IGDCC4: variants seen among roughly 807,000 people sequenced by gnomAD.
IGDCC4 encodes the protein immunoglobulin superfamily DCC subclass member 4, also known as likely ortholog of mouse neighbor of Punc E11.
Under a neutral mutation model 116.6 loss-of-function variants are expected in IGDCC4, and 72 were observed. The observed-to-expected ratio is 0.62, with a 90% CI of 0.51 to 0.75. IGDCC4 has a LOEUF of 0.75. Among genes scored for constraint, IGDCC4 ranks in the 30% least tolerant of loss-of-function variants. IGDCC4 has a pLI of 0.00. For synonymous variants in IGDCC4, 709 were observed against 719.9 expected (o/e 0.98, Z 0.24); for missense variants, 1,501 against 1,662.4 (o/e 0.90, Z 1.69).
Position 65,383,849 on chromosome 15 carries a change from A to G in IGDCC4, c.*160T>C, listed in dbSNP as rs2091425521. 3 of 585,104 alleles carry G rather than the reference A, an allele frequency of 5.1e-6. No homozygotes were observed. Among genetic ancestry groups the G allele is most frequent in the Admixed American group, 3.3e-5 (1 of 30,464 alleles). The allele number at this position is 585,104 out of a possible 1,614,324, so 36.2% of individuals were successfully genotyped here. A position where few individuals can be genotyped will look rare whatever the true frequency, so the allele number is the denominator to read the frequency against. The stretch of plus-strand genomic sequence containing the variant: ...ATCACAAAGAGTATGGGGGGAGTGA[A>G]TAATCCATGTTTTCCTCTCCCCTCA... On this transcript the variant is annotated 3_prime_UTR_variant, in exon 20 of 20. Coordinates refer to ENST00000352385, the MANE Select transcript of IGDCC4 (RefSeq NM_020962.3).
At chr15:65,390,111 A>C in intron 13 of IGDCC4, 44 bp downstream of exon 13, 1 of 1,486,042 alleles carries the variant, frequency 6.7e-7, no homozygotes, top group Non-Finnish European at 9.1e-7. Flanking sequence ...CCCCCCACCT[A>C]TTCTTCCTCC....
intron 1 of IGDCC4, among the ~76,000 whole-genome samples, chr15:65,416,028 A>C (rs1049995627): frequency 6.6e-6 from 1 of 151,294 alleles, no homozygotes; most frequent in Non-Finnish European, 1.5e-5. Context: ...AGTTTCCCCA[A>C]TTTTAAAATG....
intron 8 of IGDCC4, among the ~76,000 whole-genome samples, chr15:65,394,834 C>T (rs1376362334): frequency 6.6e-6 from 1 of 152,166 alleles, no homozygotes; most frequent in Non-Finnish European, 1.5e-5. Flanking sequence ...TCAGGGAGAA[C>T]TGCATGACAC....
chr15:65,384,338 A>C lies in IGDCC4; in HGVS notation c.3424T>G (p.Ser1142Ala). ...AGATGGAGGTCAGGGTTCCCGTTAG[A>C]TGCACTAAAGTCAGAGTGGACAATG... ...EVIVHSDFSA[S>A]NGNPDLHLQD... Residue 1142 changes from serine (S) to alanine (A), a missense_variant, in exon 20 of 20, where the codon TCT (serine) becomes GCT (alanine). Ser to Ala is a moderately conservative substitution (Grantham distance 99, BLOSUM62 1). This residue lies in a region of IGDCC4 where 368 missense variants were observed against 355.6 expected (regional missense o/e 1.03). Coordinates refer to ENST00000352385, the MANE Select transcript of IGDCC4 (RefSeq NM_020962.3). The surrounding 1 kb of genome is among the most constrained non-coding windows in gnomAD (Gnocchi z 4.9). 1 of 1,595,780 alleles carries C rather than the reference A, an allele frequency of 6.3e-7. No individual in the cohort carries two copies. The highest frequency in any genetic ancestry group is 8.5e-7 in the Non-Finnish European group (1 of 1,171,960).
chr15:65,391,991 G>A lies in IGDCC4; in HGVS notation c.2123-10C>T. The A allele has an allele frequency of 6.2e-7, 1 of 1,603,188 alleles. No individual in the cohort carries two copies. The highest frequency in any genetic ancestry group is 8.5e-7 in the Non-Finnish European group (1 of 1,174,392). ...TACAGCCGGCCAGGGACTGGGGAAGGTTACAGGGCTTAATGGCTAGGGGGA... is the reference window on the plus strand; with the variant it reads ...TACAGCCGGCCAGGGACTGGGGAAGATTACAGGGCTTAATGGCTAGGGGGA... On this transcript the variant is annotated splice_polypyrimidine_tract_variant and intron_variant, in intron 11 of 19. Transcript: ENST00000352385.
intron 11 of IGDCC4, 73 bp from the exon 12 acceptor site, chr15:65,392,054 A>T (rs1323701601): frequency 1.9e-6 from 3 of 1,539,184 alleles, no homozygotes; most frequent in Non-Finnish European, 2.7e-6. Flanking sequence ...AGAGCATCCC[A>T]TCTCTAACTT....
intron 12 of IGDCC4, among the ~76,000 whole-genome samples, chr15:65,391,292 T>C (rs535790414): frequency 2.0e-5 from 3 of 152,198 alleles, no homozygotes; most frequent in South Asian, 4.2e-4. Flanking sequence ...TGCTAAACCA[T>C]GTGGCTGGGA....
chr15:65,397,695 A>G (rs1306436410), intron 5 of IGDCC4, among the ~76,000 whole-genome samples: 1 of 151,982 alleles, frequency 6.6e-6, no homozygotes, highest in African/African-American at 2.4e-5. Context: ...ATATTAAAAC[A>G]CAGATGTTAA....
chr15:65,402,524 AG>A lies in IGDCC4; in HGVS notation c.564-38del, dbSNP rs552327662. The A allele has an allele frequency of 2.2e-4, 341 of 1,555,482 alleles. 8 individuals are homozygous for A. The South Asian group carries it at 3.1e-3, about 14-fold the overall frequency. On this transcript the variant is annotated intron_variant, in intron 3 of 19. Coordinates refer to ENST00000352385, the MANE Select transcript of IGDCC4 (RefSeq NM_020962.3). ...GGGAGCAGGCAACTGTGAGGTGGGC[AG>A]GGGGGCCACAGGGAGGGTGGCTCAT...
intron 1 of IGDCC4, among the ~76,000 whole-genome samples, chr15:65,416,859 A>G (rs1254826506): frequency 6.6e-6 from 1 of 152,194 alleles, no homozygotes; most frequent in Non-Finnish European, 1.5e-5. Flanking sequence ...GATAAACTGG[A>G]TTTTATGAGG....
chr15:65,393,410 G>A lies in IGDCC4; in HGVS notation c.1836C>T (p.Pro612=), dbSNP rs199760278. The change falls in exon 10 of 20, where the codon CCC becomes CCT. Residue 612 remains proline (P), a synonymous_variant. Transcript: ENST00000352385. This position sits in a 1 kb window ranked among gnomAD's most constrained non-coding sequence, Gnocchi z 4.6. ...SAGTAAGFGA[P]SQWMHHRTPS... Reference sequence around the variant, plus strand: ...GCGTCCTGTGATGCATCCACTGGGAGGGGGCCCCGAAGCCGGCTGCTGTAC... The same window carrying A: ...GCGTCCTGTGATGCATCCACTGGGAAGGGGCCCCGAAGCCGGCTGCTGTAC... 4.2e-5 allele frequency: 67 copies of A among 1,613,274 alleles called. No homozygotes were observed. The highest frequency in any genetic ancestry group is 3.0e-4 in the South Asian group (27 of 90,874).
chr15:65,384,229 G>C lies in IGDCC4; in HGVS notation c.3533C>G (p.Ala1178Gly). 6.2e-7 allele frequency: 1 copy of C among 1,600,178 alleles called. No homozygotes were observed. Among genetic ancestry groups the C allele is most frequent in the Non-Finnish European group, 8.5e-7 (1 of 1,170,148 alleles). Reference sequence around the variant, plus strand: ...CCCTCCCAACTCCCTGTCCAGCCAGGCTGCCCCCTGCCCTGGATCCCCAAC... The same window carrying C: ...CCCTCCCAACTCCCTGTCCAGCCAGCCTGCCCCCTGCCCTGGATCCCCAAC... The part of the protein sequence containing the change: ...SGVGDPGQGA[A>G]WLDRELGGCE... Residue 1178 changes from alanine to glycine, a missense_variant, in exon 20 of 20, where the codon GCC (alanine) becomes GGC (glycine). Ala to Gly is a moderately conservative substitution (Grantham distance 60). Around this residue, in one of 3 missense-constraint regions of IGDCC4, gnomAD observed 368 missense variants for 355.6 expected, o/e 1.03. Coordinates refer to ENST00000352385, the MANE Select transcript of IGDCC4 (RefSeq NM_020962.3). This position sits in a 1 kb window ranked among gnomAD's most constrained non-coding sequence, Gnocchi z 4.9.
intron 14 of IGDCC4, 130 bp from the exon 15 acceptor site, chr15:65,389,108 G>A (rs567484942): frequency 9.9e-6 from 11 of 1,107,686 alleles, no homozygotes; most frequent in Admixed American, 8.5e-5. Flanking sequence ...TCTAGTTGGG[G>A]AATTCTAGAA....
In IGDCC4 at chr15:65,410,223, A is replaced by T. The variant is rs1333099505; in HGVS notation, c.518T>A (p.Ile173Asn). The T allele has an allele frequency of 6.2e-7, 1 of 1,613,844 alleles. No individual in the cohort carries two copies. The highest frequency in any genetic ancestry group is 2.2e-5 in the East Asian group (1 of 44,878). The part of the protein sequence containing the change: ...ECHIEGLPAP[I>N]ITWEKDQVTL... ...CACCTGGTCCTTCTCCCAAGTAATG[A>T]TGGGAGCTGGCAGCCCTTCAATGTG... is the stretch of plus-strand genomic sequence containing the variant. Residue 173 changes from isoleucine (I) to asparagine (N), a missense_variant, in exon 3 of 20, where the codon ATC (isoleucine) becomes AAC (asparagine). Around this residue, in one of 3 missense-constraint regions of IGDCC4, gnomAD observed 898 missense variants for 978.9 expected, o/e 0.92. Coordinates refer to ENST00000352385, the MANE Select transcript of IGDCC4 (RefSeq NM_020962.3).
chr15:65,419,837 A>AG (rs1398772768), intron 1 of IGDCC4, among the ~76,000 whole-genome samples: 1 of 152,212 alleles, frequency 6.6e-6, no homozygotes, highest in Non-Finnish European at 1.5e-5. Flanking sequence ...CTGTTCACAA[A>AG]GGGGTCCCAG....
chr15:65,396,198 C>A, intron 6 of IGDCC4, 35 bp from the exon 7 acceptor site: 1 of 1,497,028 alleles, frequency 6.7e-7, no homozygotes, highest in Non-Finnish European at 8.9e-7. Context: ...AGCGCGGGAT[C>A]CCGCAACTAA....
At chr15:65,407,086 C>T (rs750543073) in intron 3 of IGDCC4, among the ~76,000 whole-genome samples, 7 of 152,106 alleles carry the variant, frequency 4.6e-5, no homozygotes, top group East Asian at 3.8e-4. Flanking sequence ...GTATCCTCCA[C>T]GCAGGTCGCT....
At chr15:65,392,061 A>C (rs2062871680) in intron 11 of IGDCC4, 73 bp downstream of exon 11, 3 of 1,541,008 alleles carry the variant, frequency 1.9e-6, no homozygotes, top group South Asian at 2.4e-5. Flanking sequence ...CCCATCTCTA[A>C]CTTCTTCACA....
rs752520140 is a variant in IGDCC4, at chr15:65,384,284, G to A, written c.3478C>T (p.Pro1160Ser). 11 of 1,607,506 alleles carry A rather than the reference G, an allele frequency of 6.8e-6. No individual in the cohort carries two copies. Among genetic ancestry groups the A allele is most frequent in the East Asian group, 2.2e-5 (1 of 44,760 alleles). The change falls in exon 20 of 20, where the codon CCT becomes TCT. Residue 1160 changes from proline (P) to serine (S), a missense_variant. By Grantham distance (74) the Pro-to-Ser change is moderately conservative. Transcript: ENST00000352385. This position sits in a 1 kb window ranked among gnomAD's most constrained non-coding sequence, Gnocchi z 4.9. ...LQDLEPEDPL[P>S]PEAPDLISGV... is the part of the protein sequence containing the mutation. Reference sequence around the variant, plus strand: ...GAGATGAGATCAGGAGCCTCTGGAGGCAGGGGGTCCTCAGGCTCCAGGTCT... The same window carrying A: ...GAGATGAGATCAGGAGCCTCTGGAGACAGGGGGTCCTCAGGCTCCAGGTCT...
Sources: gnomAD v4.1 joint callset for allele counts (sites outside exome capture counted in the v4.1 genomes callset) on GRCh38, gnomAD v4.1.1 for gene constraint, gnomAD v4.1.1 regional missense constraint, Gnocchi (gnomAD v3.1) non-coding constraint, MANE v1.5 for transcripts, NCBI Gene and HGNC (gene_info 2026-07-23, HGNC 2026-07-21) for gene names.